The following ART3 variants were observed in gnomAD, a reference collection of about 807,000 sequenced individuals.
The protein encoded by ART3 is ecto-ADP-ribosyltransferase 3.
A neutral mutation model predicts 48.5 loss-of-function variants in ART3; 49 were observed. That is an observed-to-expected ratio of 1.01 (90% CI 0.80 to 1.28). ART3 has a LOEUF of 1.28. ART3 is among the 50% of genes most tolerant of loss of function. The pLI is 0.00. For synonymous variants in ART3, 145 were observed against 157.2 expected, an observed-to-expected ratio of 0.92 and a Z score of 0.58; for missense variants, 438 against 454.3, an observed-to-expected ratio of 0.96 and a Z score of 0.33.
chr4:76,068,810 T>A (rs1325874322), intron 1 of ART3, among the ~76,000 whole-genome samples: 1 of 152,074 alleles, frequency 6.6e-6, no homozygotes, highest in African/African-American at 2.4e-5. Flanking sequence ...AGAAAAAAAA[T>A]TCATTCATGT....
intron 3 of ART3, among the ~76,000 whole-genome samples, chr4:76,096,348 T>G (rs1726006964): frequency 1.3e-5 from 2 of 152,228 alleles, no homozygotes; most frequent in South Asian, 4.1e-4. Context: ...CAGTAGAAAG[T>G]GGACCAAATC....
intron 1 of ART3, among the ~76,000 whole-genome samples, chr4:76,035,548 A>G (rs1469836640): frequency 6.6e-6 from 1 of 152,250 alleles, no homozygotes; most frequent in Non-Finnish European, 1.5e-5. Flanking sequence ...TCGCTAACAA[A>G]TGGGAAGCAT....
intron 1 of ART3, chr4:76,022,384 T>C (rs751919587): frequency 1.2e-6 from 2 of 1,613,694 alleles, no homozygotes; most frequent in Middle Eastern, 3.3e-4. Flanking sequence ...GCTAACTGCT[T>C]TCAGTAAATT....
At chr4:76,027,324 G>A (rs1179874903) in intron 1 of ART3, among the ~76,000 whole-genome samples, 1 of 152,156 alleles carries the variant, frequency 6.6e-6, no homozygotes, top group East Asian at 1.9e-4. Flanking sequence ...TAAATAATGT[G>A]GAGGTTCATA....
chr4:76,088,930 A>G (rs1277096752), intron 3 of ART3, among the ~76,000 whole-genome samples: 1 of 152,168 alleles, frequency 6.6e-6, no homozygotes, highest in Non-Finnish European at 1.5e-5. Context: ...CTGTTTGATG[A>G]CATCATAAAT....
At chr4:76,054,792 C>G (rs1417790442) in intron 1 of ART3, among the ~76,000 whole-genome samples, 1 of 152,166 alleles carries the variant, frequency 6.6e-6, no homozygotes, top group East Asian at 1.9e-4. Flanking sequence ...TATGATCATC[C>G]ACTGCACTCC....
intron 1 of ART3, among the ~76,000 whole-genome samples, chr4:76,065,032 A>G (rs527416170): frequency 6.6e-6 from 1 of 152,140 alleles, no homozygotes; most frequent in East Asian, 1.9e-4. Context: ...AGGTTTCACC[A>G]TGTTGGCCAG....
chr4:76,058,772 A>G (rs1267664927), intron 1 of ART3: 2 of 152,184 alleles, frequency 1.3e-5, no homozygotes, highest in African/African-American at 4.8e-5. Context: ...TGTAAACAGC[A>G]GGAATTGTGG....
chr4:76,035,923 A>G, intron 1 of ART3: 1 of 1,612,486 alleles, frequency 6.2e-7, no homozygotes, highest in South Asian at 1.1e-5. Flanking sequence ...AAATTACTGC[A>G]TACCTTGAAC....
intron 3 of ART3, among the ~76,000 whole-genome samples, chr4:76,086,739 A>T (rs1723670999): frequency 6.6e-6 from 1 of 152,240 alleles, no homozygotes; most frequent in South Asian, 2.1e-4. Context: ...TTTTTAAAAA[A>T]GGAAAGGTGC....
At chr4:76,083,612 CT>C (rs1440369225) in intron 3 of ART3, among the ~76,000 whole-genome samples, 1 of 152,174 alleles carries the variant, frequency 6.6e-6, no homozygotes, top group Non-Finnish European at 1.5e-5. Context: ...CATGTTTGCA[CT>C]TGTGACTGTT....
intron 3 of ART3, among the ~76,000 whole-genome samples, chr4:76,085,589 AT>A (rs1289062722): frequency 2.8e-4 from 43 of 152,328 alleles, no homozygotes; most frequent in African/African-American, 9.4e-4. Flanking sequence ...GAAAGCTGAA[AT>A]GAGTAAATTT....
intron 10 of ART3, chr4:76,106,010 C>T: frequency 1.0e-6 from 1 of 985,378 alleles, no homozygotes; most frequent in Non-Finnish European, 1.2e-6. Context: ...ATTGTGCCCT[C>T]TCCTGGAAAG....
intron 8 of ART3, among the ~76,000 whole-genome samples, chr4:76,102,537 A>G (rs1727563469): frequency 6.6e-6 from 1 of 152,088 alleles, no homozygotes; most frequent in Non-Finnish European, 1.5e-5. Context: ...ATAAAATATT[A>G]CCTATATTAT....
chr4:76,030,176 C>T (rs6819920), intron 1 of ART3, among the ~76,000 whole-genome samples: 92,639 of 151,710 alleles, frequency 0.61, 29,331 homozygotes, highest in East Asian at 0.94. Flanking sequence ...CCTGCCTCAG[C>T]CTCCTGAGTA....
chr4:76,035,993 T>C (rs767119436), intron 1 of ART3: 1 of 1,613,548 alleles, frequency 6.2e-7, no homozygotes, highest in Non-Finnish European at 8.5e-7. Flanking sequence ...CTCATGTTTG[T>C]TTTTTGCTGT....
chr4:76,103,157 G>A (rs12171332), intron 8 of ART3, among the ~76,000 whole-genome samples: 245 of 152,248 alleles, frequency 1.6e-3, no homozygotes, highest in African/African-American at 5.5e-3. Flanking sequence ...TGTTTCACCT[G>A]GGAAATAATC....
chr4:76,038,293 T>A (rs943550704), intron 1 of ART3, among the ~76,000 whole-genome samples: 4 of 152,218 alleles, frequency 2.6e-5, no homozygotes, highest in Non-Finnish European at 5.9e-5. Context: ...GCTCTTACTG[T>A]GGCTAATTTA....
At chr4:76,050,538 C>G (rs550925585) in intron 1 of ART3, among the ~76,000 whole-genome samples, 218 of 152,332 alleles carry the variant, frequency 1.4e-3, no homozygotes, top group African/African-American at 5.1e-3. Flanking sequence ...AATCCCTGAG[C>G]TAGACATAAA....
Sources: gnomAD v4.1 joint callset for allele counts (sites outside exome capture counted in the v4.1 genomes callset) on GRCh38, gnomAD v4.1.1 for gene constraint, MANE v1.5 for transcripts, NCBI Gene and HGNC (gene_info 2026-07-23, HGNC 2026-07-21) for gene names.